The following PTPRN2 variants were observed in gnomAD, a reference collection of about 807,000 sequenced individuals.
PTPRN2 encodes the protein receptor-type tyrosine-protein phosphatase N2.
Under a neutral mutation model 118.8 loss-of-function variants are expected in PTPRN2, and 74 were observed. The observed-to-expected ratio is 0.62, with a 90% CI of 0.52 to 0.76. PTPRN2 has a LOEUF of 0.76. Among genes scored for constraint, PTPRN2 ranks in the 30% least tolerant of loss-of-function variants. The pLI is 0.00. For missense variants in PTPRN2, 1,481 were observed against 1,394.4 expected, an observed-to-expected ratio of 1.06 and a Z score of -0.99; for synonymous variants, 641 against 608.0, an observed-to-expected ratio of 1.05 and a Z score of -0.80.
intron 11 of PTPRN2, among the ~76,000 whole-genome samples, chr7:158,013,737 A>G (rs1354047710): frequency 1.2e-4 from 1 of 8,532 alleles, no homozygotes; most frequent in Non-Finnish European, 2.2e-4. Context: ...CCACTCATCC[A>G]CCCACCCGCC....
chr7:158,183,141 A>T (rs1469513108), intron 5 of PTPRN2, among the ~76,000 whole-genome samples: 3 of 152,200 alleles, frequency 2.0e-5, no homozygotes, highest in Non-Finnish European at 4.4e-5. Context: ...TGCATGGAAT[A>T]TATTTTACTA....
chr7:157,873,196 G>A (rs887444916), intron 12 of PTPRN2, among the ~76,000 whole-genome samples: 1 of 152,236 alleles, frequency 6.6e-6, no homozygotes, highest in African/African-American at 2.4e-5. Flanking sequence ...GCTTGTGGGA[G>A]GGGGAGGCTC....
In PTPRN2 at chr7:157,990,150, A is replaced by T. The variant is rs1804132965; in HGVS notation, c.1723+91148T>A. Among the ~76,000 whole-genome samples, 1 of 151,946 alleles carries T rather than the reference A, an allele frequency of 6.6e-6. No homozygotes were observed. Among genetic ancestry groups the T allele is most frequent in the Non-Finnish European group, 1.5e-5 (1 of 67,992 alleles). The stretch of plus-strand genomic sequence containing the variant: ...CGAAAACAAGCCCAGGTGAAGCTGC[A>T]GCTGGGGACACGAGTTAATGTGAGT... On this transcript the variant is annotated intron_variant, in intron 11 of 22. Coordinates refer to ENST00000389418, the MANE Select transcript of PTPRN2 (RefSeq NM_002847.5). This position sits in a 1 kb window ranked among gnomAD's most constrained non-coding sequence, Gnocchi z 4.3.
intron 2 of PTPRN2, among the ~76,000 whole-genome samples, chr7:158,469,122 T>TGGATCAA (rs1301344649): frequency 1.3e-4 from 20 of 151,234 alleles, no homozygotes; most frequent in South Asian, 2.1e-4. Flanking sequence ...ATCAACAGTG[T>TGGATCAA]CAGGCTTTCA....
intron 12 of PTPRN2, among the ~76,000 whole-genome samples, chr7:157,772,877 T>C (rs1802970849): frequency 1.3e-5 from 2 of 152,226 alleles, no homozygotes; most frequent in African/African-American, 4.8e-5. Flanking sequence ...CGGGTGGCTG[T>C]CCAGGGTGTG....
At chr7:157,741,639 C>G (rs895511626) in intron 12 of PTPRN2, among the ~76,000 whole-genome samples, 1 of 152,192 alleles carries the variant, frequency 6.6e-6, no homozygotes, top group African/African-American at 2.4e-5. Flanking sequence ...AGTGGCTCTC[C>G]TCCCTCTGGG....
At chr7:157,602,516 A>T (rs1343490781) in intron 16 of PTPRN2, among the ~76,000 whole-genome samples, 2 of 150,318 alleles carry the variant, frequency 1.3e-5, no homozygotes, top group Non-Finnish European at 2.9e-5. Context: ...CAGAGCCGAG[A>T]GCTGAGCACT....
intron 3 of PTPRN2, among the ~76,000 whole-genome samples, chr7:158,256,565 C>T (rs1004140261): frequency 1.3e-5 from 2 of 151,770 alleles, no homozygotes; most frequent in African/African-American, 4.8e-5. Flanking sequence ...GTGGAGGAGA[C>T]AGAAGCTGGC....
At chr7:157,713,127 C>T (rs991526822) in intron 12 of PTPRN2, among the ~76,000 whole-genome samples, 15 of 152,188 alleles carry the variant, frequency 9.9e-5, no homozygotes, top group African/African-American at 3.1e-4. Context: ...GCTCTAAAAC[C>T]CCTGAGGTCG....
At chr7:158,242,448 C>A (rs1376407421) in intron 3 of PTPRN2, among the ~76,000 whole-genome samples, 1 of 152,210 alleles carries the variant, frequency 6.6e-6, no homozygotes, top group Non-Finnish European at 1.5e-5. Flanking sequence ...AAGTTCAACT[C>A]CTTTCAGAAA....
At chr7:158,079,122 T>C (rs1178500472) in intron 11 of PTPRN2, among the ~76,000 whole-genome samples, 1 of 152,192 alleles carries the variant, frequency 6.6e-6, no homozygotes, top group Non-Finnish European at 1.5e-5. Context: ...GGTTTACAGG[T>C]GTGAGCCACT....
chr7:158,071,087 G>A lies in PTPRN2; in HGVS notation c.1723+10211C>T, dbSNP rs1245079469. On this transcript the variant is annotated intron_variant, in intron 11 of 22. Coordinates refer to ENST00000389418, the MANE Select transcript of PTPRN2 (RefSeq NM_002847.5). ...GGTGCTCGTGGTGGTGGAGGTGCCC[G>A]TGGTGGTGGAGGTGCTCGTGGTGGT... Among the ~76,000 whole-genome samples the A allele has an allele frequency of 6.6e-3, 337 of 50,886 alleles. 14 individuals are homozygous for A. Among genetic ancestry groups the A allele is most frequent in the Non-Finnish European group, 8.4e-3 (235 of 28,026 alleles). 33.4% of individuals were successfully genotyped at this position (50,886 alleles called of 152,430 possible).
intron 10 of PTPRN2, among the ~76,000 whole-genome samples, chr7:158,098,963 C>T (rs1814921233): frequency 1.3e-5 from 2 of 151,312 alleles, no homozygotes; most frequent in South Asian, 4.2e-4. Flanking sequence ...CTTCTCTGGC[C>T]TCATTCCTGG....
rs908190278 is a variant in PTPRN2, at chr7:157,780,623, C to T, written c.1789-97686G>A. On this transcript the variant is annotated intron_variant, in intron 12 of 22. Transcript: ENST00000389418. The surrounding 1 kb of genome is among the most constrained non-coding windows in gnomAD (Gnocchi z 4.5). ...GAGAGGCCCCTGGACAAGGGACTGC[C>T]TTCCTCTGTGCCTCAGTTTCCCTGT... Among the ~76,000 whole-genome samples, 1 of 152,238 alleles carries T rather than the reference C, an allele frequency of 6.6e-6. No individual in the cohort carries two copies. Among genetic ancestry groups the T allele is most frequent in the African/African-American group, 2.4e-5 (1 of 41,458 alleles).
intron 2 of PTPRN2, among the ~76,000 whole-genome samples, chr7:158,325,776 C>G (rs1337885057): frequency 1.3e-5 from 2 of 152,256 alleles, no homozygotes; most frequent in African/African-American, 2.4e-5. Context: ...CGTTCCAGGG[C>G]TGGGCAGGGA....
At position 158,455,206 on chromosome 7, in the gene PTPRN2, C is replaced by T. The variant is rs112213951; in HGVS notation, c.163+34529G>A. Among the ~76,000 whole-genome samples, 740 of 150,364 alleles carry T rather than the reference C, an allele frequency of 4.9e-3. 9 individuals are homozygous for T. Among genetic ancestry groups the T allele is most frequent in the African/African-American group, 0.018 (700 of 39,740 alleles). The stretch of plus-strand genomic sequence containing the variant: ...AAAGCAGAGAAGATAACGGCACGGA[C>T]GCCATCGGCCACGGCCACCCATCGC... On this transcript the variant is annotated intron_variant, in intron 2 of 22. Coordinates refer to ENST00000389418, the MANE Select transcript of PTPRN2 (RefSeq NM_002847.5).
chr7:157,703,884 C>T (rs1294268362), intron 12 of PTPRN2, among the ~76,000 whole-genome samples: 1 of 152,210 alleles, frequency 6.6e-6, no homozygotes, highest in South Asian at 2.1e-4. Context: ...CTTTCTCTTT[C>T]CCTGTAATAT....
intron 6 of PTPRN2, among the ~76,000 whole-genome samples, chr7:158,149,242 T>G (rs1820633461): frequency 6.6e-6 from 1 of 151,636 alleles, no homozygotes; most frequent in South Asian, 2.1e-4. Flanking sequence ...TGGCACCAAT[T>G]ATAGTACAGG....
chr7:157,737,337 C>T (rs1002139659), intron 12 of PTPRN2, among the ~76,000 whole-genome samples: 6 of 152,196 alleles, frequency 3.9e-5, no homozygotes, highest in Non-Finnish European at 1.5e-5. Context: ...GGTTTGGAGG[C>T]TCTGTTCGCT....
Sources: gnomAD v4.1 joint callset for allele counts (sites outside exome capture counted in the v4.1 genomes callset) on GRCh38, gnomAD v4.1.1 for gene constraint, Gnocchi (gnomAD v3.1) non-coding constraint, MANE v1.5 for transcripts, NCBI Gene and HGNC (gene_info 2026-07-23, HGNC 2026-07-21) for gene names.